The following METTL16 variants were observed in gnomAD, a reference collection of about 807,000 sequenced individuals.
METTL16 encodes the protein RNA N(6)-adenosine-methyltransferase METTL16.
A neutral mutation model predicts 57.9 loss-of-function variants in METTL16; 19 were observed. The observed-to-expected ratio is 0.33, with a 90% CI of 0.23 to 0.48. The LOEUF is 0.48. Ranked by LOEUF, METTL16 falls within the 20% of genes least tolerant of loss-of-function variation. METTL16 has a pLI of 0.99. For missense variants in METTL16, 434 were observed against 691.5 expected (o/e 0.63, Z 4.18); for synonymous variants, 246 against 255.6 (o/e 0.96, Z 0.36).
chr17:2,492,324 T>C (rs191615154), intron 2 of METTL16, among the ~76,000 whole-genome samples: 14 of 152,250 alleles, frequency 9.2e-5, no homozygotes, highest in Admixed American at 8.5e-4. Context: ...CTGATTATTG[T>C]GAAAAAACAC....
At chr17:2,476,956 C>CAA (rs34519562) in intron 3 of METTL16, among the ~76,000 whole-genome samples, 333 of 116,296 alleles carry the variant, frequency 2.9e-3, no homozygotes, top group Non-Finnish European at 4.7e-3. Flanking sequence ...AATTCCGTTT[C>CAA]AAAAAAAAAA....
intron 4 of METTL16, 123 bp from the exon 5 acceptor site, chr17:2,467,999 A>C (rs2067213899): frequency 1.5e-6 from 1 of 670,422 alleles, no homozygotes; most frequent in Admixed American, 2.5e-5. Flanking sequence ...TAAGATTATA[A>C]CACCACATTT....
intron 6 of METTL16, among the ~76,000 whole-genome samples, chr17:2,444,771 T>A (rs556455606): frequency 1.3e-5 from 2 of 150,842 alleles, no homozygotes; most frequent in South Asian, 4.2e-4. Context: ...TGCAGTGCAG[T>A]GGCGTGATCT....
intron 2 of METTL16, among the ~76,000 whole-genome samples, chr17:2,490,416 G>A (rs551665119): frequency 6.6e-6 from 1 of 152,130 alleles, no homozygotes; most frequent in Non-Finnish European, 1.5e-5. Flanking sequence ...ACGAATGATT[G>A]TATGTAACTA....
chr17:2,439,077 G>C (rs2066928517), intron 7 of METTL16, among the ~76,000 whole-genome samples: 2 of 152,172 alleles, frequency 1.3e-5, no homozygotes, highest in African/African-American at 4.8e-5. Context: ...TGGGAGGAAA[G>C]TGGAAGTGGC....
rs1208447930 is a variant in METTL16 at position 2,417,178 on chromosome 17, C to T, written c.*2792G>A. On this transcript the variant is annotated 3_prime_UTR_variant, in exon 10 of 10. Transcript: ENST00000263092. The stretch of plus-strand genomic sequence containing the variant: ...TCCCAGGTTCAAGCGAGTCTCCTGC[C>T]TCAGCCTCCCGAGTAGCTGGGATTA... The T allele has an allele frequency of 6.6e-6, 1 of 151,028 alleles. No individual in the cohort carries two copies. Among genetic ancestry groups the T allele is most frequent in the African/African-American group, 2.5e-5 (1 of 40,760 alleles). The allele number at this position is 151,028 out of a possible 1,614,324, so 9.4% of individuals were successfully genotyped here.
At chr17:2,438,766 T>C (rs908415979) in intron 7 of METTL16, among the ~76,000 whole-genome samples, 3 of 152,170 alleles carry the variant, frequency 2.0e-5, no homozygotes, top group African/African-American at 7.2e-5. Flanking sequence ...AGTGCTGAGA[T>C]TACAGGTGTG....
At chr17:2,478,337 T>C (rs930408395) in intron 2 of METTL16, among the ~76,000 whole-genome samples, 13 of 152,204 alleles carry the variant, frequency 8.5e-5, no homozygotes, top group Admixed American at 2.0e-4. Context: ...ACTCTTACCA[T>C]TAACATCATC....
chr17:2,459,438 C>T (rs999871530), intron 6 of METTL16, among the ~76,000 whole-genome samples: 2 of 152,194 alleles, frequency 1.3e-5, no homozygotes. Flanking sequence ...ACATGAACCT[C>T]CCAGGGGAGG....
chr17:2,450,059 G>GTTTT (rs1457117447), intron 6 of METTL16, among the ~76,000 whole-genome samples: 1 of 152,212 alleles, frequency 6.6e-6, no homozygotes. Context: ...TAGTCACTTT[G>GTTTT]AAAAGCAGCT....
intron 6 of METTL16, among the ~76,000 whole-genome samples, chr17:2,452,817 T>A (rs910910265): frequency 6.6e-6 from 1 of 152,304 alleles, no homozygotes; most frequent in African/African-American, 2.4e-5. Context: ...TATTTTGGCA[T>A]GTCCATTTTA....
rs143793065 is a variant in METTL16 at position 2,502,866 on chromosome 17, G to A, written c.1-535C>T. Among the ~76,000 whole-genome samples, 379 of 152,012 alleles carry A rather than the reference G, an allele frequency of 2.5e-3. 2 individuals are homozygous for A. Among genetic ancestry groups the A allele is most frequent in the African/African-American group, 8.8e-3 (363 of 41,442 alleles). ...TCAGGGAAATACAAATCAAAACCAC[G>A]TGAGACACCACTTCATACCCACTAG... On this transcript the variant is annotated intron_variant, in intron 1 of 9. Coordinates refer to ENST00000263092, the MANE Select transcript of METTL16 (RefSeq NM_024086.4).
intron 6 of METTL16, among the ~76,000 whole-genome samples, chr17:2,442,084 G>A (rs947535677): frequency 3.3e-5 from 5 of 152,260 alleles, no homozygotes; most frequent in Admixed American, 2.6e-4. Context: ...GGAGAAGTTG[G>A]ACTGAACTGA....
chr17:2,505,211 A>C (rs1487057571), intron 1 of METTL16, among the ~76,000 whole-genome samples: 1 of 151,764 alleles, frequency 6.6e-6, no homozygotes, highest in Non-Finnish European at 1.5e-5. Context: ...TTTTCTTAAT[A>C]TCTTTATTTT....
At chr17:2,469,789 G>A (rs749834048) in intron 4 of METTL16, among the ~76,000 whole-genome samples, 98 of 152,150 alleles carry the variant, frequency 6.4e-4, no homozygotes, top group Non-Finnish European at 1.2e-3. Context: ...CCAAAGAGCT[G>A]GGATTACAGG....
At chr17:2,453,644 G>T (rs1008426686) in intron 6 of METTL16, among the ~76,000 whole-genome samples, 2 of 152,108 alleles carry the variant, frequency 1.3e-5, no homozygotes, top group Non-Finnish European at 2.9e-5. Context: ...AGGGGGAAGG[G>T]GTGGTTCTTT....
At chr17:2,481,364 AC>A (rs1449848135) in intron 2 of METTL16, among the ~76,000 whole-genome samples, 2 of 152,116 alleles carry the variant, frequency 1.3e-5, no homozygotes, top group Non-Finnish European at 2.9e-5. Context: ...TCTGACAGAT[AC>A]CCCCTTAACG....
chr17:2,473,013 C>G (rs192711756), intron 4 of METTL16, among the ~76,000 whole-genome samples: 1 of 151,926 alleles, frequency 6.6e-6, no homozygotes, highest in Non-Finnish European at 1.5e-5. Context: ...AATGATGTGC[C>G]AGCATAGGTT....
intron 6 of METTL16, among the ~76,000 whole-genome samples, chr17:2,463,895 G>A (rs909470521): frequency 6.6e-5 from 10 of 152,082 alleles, no homozygotes; most frequent in African/African-American, 2.2e-4. Flanking sequence ...GGGAGGTCGA[G>A]GCAGGCAGAT....
Sources: gnomAD v4.1 joint callset for allele counts (sites outside exome capture counted in the v4.1 genomes callset) on GRCh38, gnomAD v4.1.1 for gene constraint, MANE v1.5 for transcripts, NCBI Gene and HGNC (gene_info 2026-07-23, HGNC 2026-07-21) for gene names.